SDK1: variants seen among roughly 807,000 people sequenced by gnomAD.
The protein encoded by SDK1 is sidekick cell adhesion molecule 1.
Under a neutral mutation model 245.5 loss-of-function variants are expected in SDK1, and 157 were observed. The observed-to-expected ratio is 0.64, with a 90% CI of 0.56 to 0.73. The LOEUF (loss-of-function observed/expected upper bound fraction) is 0.73, where lower values mean the gene tolerates loss of function less well. Among genes scored for constraint, SDK1 ranks in the 30% least tolerant of loss-of-function variants. SDK1 has a pLI of 0.00. For synonymous variants in SDK1, 1,647 were observed against 1,278.5 expected, an observed-to-expected ratio of 1.29 and a Z score of -6.15; for missense variants, 3,583 against 3,002.3, an observed-to-expected ratio of 1.19 and a Z score of -4.52.
chr7:3,611,642 G>A (rs181783012), intron 1 of SDK1, among the ~76,000 whole-genome samples: 11 of 152,188 alleles, frequency 7.2e-5, no homozygotes, highest in African/African-American at 1.9e-4. Flanking sequence ...CATAGTGGTC[G>A]TGCTAGTTTA....
intron 5 of SDK1, among the ~76,000 whole-genome samples, chr7:3,853,405 TTGTG>T (rs768552414): frequency 4.6e-5 from 7 of 151,696 alleles, no homozygotes; most frequent in Admixed American, 4.6e-4. Context: ...TTTAAAATTA[TTGTG>T]TGTGTGTGTG....
chr7:3,461,693 A>T (rs1780835694), intron 1 of SDK1, among the ~76,000 whole-genome samples: 1 of 152,192 alleles, frequency 6.6e-6, no homozygotes, highest in Non-Finnish European at 1.5e-5. Flanking sequence ...TCAACAGATG[A>T]CATCACCTTA....
intron 26 of SDK1, 102 bp from the exon 27 acceptor site, chr7:4,129,806 A>G (rs1784671942): frequency 1.3e-6 from 2 of 1,555,994 alleles, no homozygotes; most frequent in Non-Finnish European, 1.7e-6. Flanking sequence ...GAGAAAGCAC[A>G]GTTGGCTGGG....
intron 5 of SDK1, among the ~76,000 whole-genome samples, chr7:3,880,390 C>G (rs1781177633): frequency 6.6e-6 from 1 of 152,128 alleles, no homozygotes; most frequent in African/African-American, 2.4e-5. Flanking sequence ...GGCAACACAG[C>G]GAGAACCAGC....
At chr7:3,395,892 A>G (rs755395101) in intron 1 of SDK1, among the ~76,000 whole-genome samples, 2 of 151,312 alleles carry the variant, frequency 1.3e-5, no homozygotes, top group African/African-American at 2.4e-5. Flanking sequence ...GGGTTTGCCA[A>G]TTTTGTTTTT....
intron 4 of SDK1, among the ~76,000 whole-genome samples, chr7:3,759,069 A>G (rs943182798): frequency 1.3e-5 from 2 of 152,128 alleles, no homozygotes; most frequent in Admixed American, 6.5e-5. Flanking sequence ...ATTTGTGTAA[A>G]CTACCCTTAG....
chr7:3,813,259 C>A (rs1779429400), intron 4 of SDK1, among the ~76,000 whole-genome samples: 1 of 118,308 alleles, frequency 8.5e-6, no homozygotes, highest in Non-Finnish European at 1.7e-5. Flanking sequence ...TATCCCTCCC[C>A]CCTCCCCCCA....
At chr7:3,592,567 T>G (rs1780913139) in intron 1 of SDK1, among the ~76,000 whole-genome samples, 1 of 152,214 alleles carries the variant, frequency 6.6e-6, no homozygotes, top group Admixed American at 6.5e-5. Flanking sequence ...GAAGGTTATT[T>G]ATTTATTTTT....
intron 28 of SDK1, among the ~76,000 whole-genome samples, chr7:4,136,128 C>T (rs963609390): frequency 3.3e-5 from 5 of 152,178 alleles, no homozygotes; most frequent in African/African-American, 9.7e-5. Context: ...CCGTGCTGAA[C>T]GCTGCTGAAT....
chr7:4,134,131 C>T (rs1326625845), intron 28 of SDK1, among the ~76,000 whole-genome samples: 1 of 152,010 alleles, frequency 6.6e-6, no homozygotes, highest in East Asian at 1.9e-4. Context: ...CCCTTGCTTC[C>T]CTGAGAGGGG....
chr7:3,955,741 G>C (rs1026862636), intron 7 of SDK1, among the ~76,000 whole-genome samples: 1 of 152,242 alleles, frequency 6.6e-6, no homozygotes, highest in African/African-American at 2.4e-5. Flanking sequence ...TTGGGGATGG[G>C]AGAGCAGGAA....
rs529724558 is a variant in SDK1 at position 3,799,307 on chromosome 7, C to G, written c.714-22143C>G. 3.7e-3 allele frequency among the ~76,000 whole-genome samples: 562 copies of G among 151,786 alleles called. 4 individuals are homozygous for G. The highest frequency in any genetic ancestry group is 0.013 in the African/African-American group (543 of 41,398). ...TTAGGATCCAGTAATTCTTCTATCT[C>G]AAATTGTGGCATGTTCTTTCCATTT... is the stretch of plus-strand genomic sequence containing the variant. On this transcript the variant is annotated intron_variant, in intron 4 of 44. Coordinates refer to ENST00000404826, the MANE Select transcript of SDK1 (RefSeq NM_152744.4).
chr7:3,560,180 C>T (rs937505994), intron 1 of SDK1, among the ~76,000 whole-genome samples: 2 of 152,080 alleles, frequency 1.3e-5, no homozygotes, highest in African/African-American at 2.4e-5. Flanking sequence ...ATTATGCTTC[C>T]GCAAAATACA....
intron 4 of SDK1, among the ~76,000 whole-genome samples, chr7:3,698,904 A>G (rs1412574908): frequency 1.3e-5 from 2 of 152,146 alleles, no homozygotes; most frequent in Non-Finnish European, 2.9e-5. Context: ...CAAAATACGA[A>G]TCAGTTGGGG....
At chr7:4,115,769 C>T (rs1009024761) in intron 25 of SDK1, among the ~76,000 whole-genome samples, 2 of 152,324 alleles carry the variant, frequency 1.3e-5, no homozygotes, top group South Asian at 2.1e-4. Context: ...CCCTGTACTA[C>T]AATGCCGTGC....
At chr7:4,247,888 A>G (rs984584579) in intron 44 of SDK1, among the ~76,000 whole-genome samples, 1 of 151,838 alleles carries the variant, frequency 6.6e-6, no homozygotes, top group African/African-American at 2.4e-5. Context: ...TTCCCTCCCC[A>G]TTGGTCTCCT....
Position 3,971,521 on chromosome 7 carries a change from G to A in SDK1, c.1770G>A (p.Thr590=), listed in dbSNP as rs144893311. ...ACCACGTGGTGATTAAGGGGACCAC[G>A]GCCACGCTGCACTGTGGTGCCACAC... ...PEDHVVIKGT[T]ATLHCGATHD... is the part of the protein sequence containing the mutation. The change falls in exon 12 of 45, where the codon ACG becomes ACA. Residue 590 remains threonine (T), a synonymous_variant. Coordinates refer to ENST00000404826, the MANE Select transcript of SDK1 (RefSeq NM_152744.4). 1.5e-5 allele frequency: 25 copies of A among 1,613,704 alleles called. No individual in the cohort carries two copies. In the South Asian group the frequency reaches 1.6e-4, roughly 11 times the overall value.
chr7:4,135,499 A>G (rs1008953809), intron 28 of SDK1, among the ~76,000 whole-genome samples: 1 of 152,248 alleles, frequency 6.6e-6, no homozygotes, highest in Non-Finnish European at 1.5e-5. Flanking sequence ...TGTCGTCTGC[A>G]CAAGTCAGAT....
intron 22 of SDK1, among the ~76,000 whole-genome samples, chr7:4,084,540 T>C (rs1292401417): frequency 6.6e-6 from 1 of 152,128 alleles, no homozygotes; most frequent in Non-Finnish European, 1.5e-5. Context: ...CCAAGGTGGA[T>C]CTCCTCGCTC....
Sources: gnomAD v4.1 joint callset for allele counts (sites outside exome capture counted in the v4.1 genomes callset) on GRCh38, gnomAD v4.1.1 for gene constraint, MANE v1.5 for transcripts, NCBI Gene and HGNC (gene_info 2026-07-23, HGNC 2026-07-21) for gene names.